The following KCNIP1 variants were observed in gnomAD, a reference collection of about 807,000 sequenced individuals.
KCNIP1 encodes the protein A-type potassium channel modulatory protein KCNIP1.
A neutral mutation model predicts 33.0 loss-of-function variants in KCNIP1; 18 were observed. The observed-to-expected ratio is 0.55, with a 90% CI of 0.38 to 0.81. The LOEUF is 0.81. Among genes scored for constraint, KCNIP1 ranks in the 30% least tolerant of loss-of-function variants. The pLI, the probability that KCNIP1 is intolerant of heterozygous loss-of-function variation, is 0.00. For synonymous variants in KCNIP1, 93 were observed against 98.3 expected, an observed-to-expected ratio of 0.95 and a Z score of 0.32; for missense variants, 238 against 271.6, an observed-to-expected ratio of 0.88 and a Z score of 0.87.
intron 1 of KCNIP1, among the ~76,000 whole-genome samples, chr5:170,513,005 G>A (rs1031987038): frequency 2.0e-4 from 31 of 151,652 alleles, no homozygotes; most frequent in African/African-American, 6.8e-4. Flanking sequence ...AGCCGAGATC[G>A]CGCCACTGCA....
chr5:170,425,884 A>G (rs1297053053), intron 1 of KCNIP1, among the ~76,000 whole-genome samples: 1 of 152,184 alleles, frequency 6.6e-6, no homozygotes, highest in Non-Finnish European at 1.5e-5. Context: ...CTTCCTGGTG[A>G]CAGAAAATGT....
chr5:170,697,085 T>TCA (rs982694453), intron 1 of KCNIP1, among the ~76,000 whole-genome samples: 3 of 151,672 alleles, frequency 2.0e-5, no homozygotes, highest in African/African-American at 4.8e-5. Flanking sequence ...TCTCGCTGTC[T>TCA]CACACACACA....
intron 1 of KCNIP1, among the ~76,000 whole-genome samples, chr5:170,460,845 C>T (rs1458207107): frequency 2.6e-5 from 4 of 152,134 alleles, no homozygotes; most frequent in Non-Finnish European, 1.5e-5. Context: ...GCATCCAAAT[C>T]AGTAAAGAGG....
chr5:170,442,331 G>A (rs1008608442), intron 1 of KCNIP1, among the ~76,000 whole-genome samples: 6 of 152,326 alleles, frequency 3.9e-5, no homozygotes, highest in African/African-American at 1.4e-4. Context: ...GGGCCCAGTG[G>A]CCCTGGAAAG....
At chr5:170,353,717 C>T (rs1205862289) in exon 1 of KCNIP1, 7 of 645,204 alleles carry the variant, frequency 1.1e-5, no homozygotes, top group Admixed American at 2.7e-5. Context: ...AAGCCAGACT[C>T]GCTGCAGAGG....
intron 1 of KCNIP1, among the ~76,000 whole-genome samples, chr5:170,652,054 G>A (rs900332073): frequency 2.0e-5 from 3 of 152,140 alleles, no homozygotes; most frequent in Admixed American, 6.5e-5. Context: ...TGGCTGTCAC[G>A]CTGAGCAATG....
At chr5:170,633,366 A>T (rs1760138522) in intron 1 of KCNIP1, among the ~76,000 whole-genome samples, 1 of 151,824 alleles carries the variant, frequency 6.6e-6, no homozygotes, top group Non-Finnish European at 1.5e-5. Flanking sequence ...AAATTTTAAA[A>T]ATTAAGTGAC....
intron 1 of KCNIP1, among the ~76,000 whole-genome samples, chr5:170,696,203 T>C (rs1257354893): frequency 6.6e-6 from 1 of 152,140 alleles, no homozygotes; most frequent in Non-Finnish European, 1.5e-5. Context: ...CTTCCCTCAC[T>C]CTTTTCCTTC....
At chr5:170,623,789 C>T (rs1237210472) in intron 1 of KCNIP1, among the ~76,000 whole-genome samples, 2 of 152,144 alleles carry the variant, frequency 1.3e-5, no homozygotes, top group African/African-American at 4.8e-5. Context: ...ATGTCAAGTG[C>T]GGGGCCCAAG....
Position 170,722,751 on chromosome 5 carries a change from T to G in KCNIP1, c.366T>G (p.Thr122=). Residue 122 remains threonine (T), a synonymous_variant, in exon 5 of 8, where the codon ACT becomes ACG. Transcript: ENST00000328939. ...VTALSILLRG[T]VHEKLRWTFN... is the part of the protein sequence containing the mutation. ...CTCTGTCGATTTTATTGAGAGGAAC[T>G]GTCCACGAGAAACTAAGGTGGACAT... is the stretch of plus-strand genomic sequence containing the variant. The G allele has an allele frequency of 6.2e-7, 1 of 1,613,972 alleles. No homozygotes were observed.
rs568820894 is a variant in KCNIP1, at chr5:170,478,411, C to T, written c.88+124447C>T. 4.6e-5 allele frequency among the ~76,000 whole-genome samples: 7 copies of T among 152,312 alleles called. No homozygotes were observed. The South Asian group carries it at 6.2e-4, about 14-fold the overall frequency. On this transcript the variant is annotated intron_variant, in intron 1 of 7. Coordinates refer to the KCNIP1 transcript ENST00000377360. ...CTCATGGCTGGAGGACAAGCTTCCC[C>T]GGCCTTCCAGTCCCATAAGGACACC...
At chr5:170,608,882 G>A (rs1759036730) in intron 1 of KCNIP1, among the ~76,000 whole-genome samples, 1 of 152,192 alleles carries the variant, frequency 6.6e-6, no homozygotes, top group Admixed American at 6.5e-5. Context: ...TTTGCTAGAG[G>A]AAGAGTTAAA....
At chr5:170,579,696 C>G (rs1484952757) in intron 1 of KCNIP1, among the ~76,000 whole-genome samples, 1 of 152,180 alleles carries the variant, frequency 6.6e-6, no homozygotes, top group African/African-American at 2.4e-5. Flanking sequence ...TCAGACTGCC[C>G]CAAGAGATTC....
intron 1 of KCNIP1, among the ~76,000 whole-genome samples, chr5:170,469,696 G>A (rs1049330759): frequency 6.6e-6 from 1 of 152,150 alleles, no homozygotes; most frequent in Admixed American, 6.5e-5. Context: ...CTTTCAACAC[G>A]TGAGCCATCT....
chr5:170,473,640 T>C (rs1291098542), intron 1 of KCNIP1, among the ~76,000 whole-genome samples: 1 of 152,140 alleles, frequency 6.6e-6, no homozygotes, highest in Non-Finnish European at 1.5e-5. Context: ...GGGCCGTCAG[T>C]GACACCTGCA....
At chr5:170,394,937 G>C (rs1754719007) in intron 1 of KCNIP1, among the ~76,000 whole-genome samples, 1 of 152,206 alleles carries the variant, frequency 6.6e-6, no homozygotes, top group Non-Finnish European at 1.5e-5. Flanking sequence ...TTCATCCTTT[G>C]TTATGGCTGT....
intron 1 of KCNIP1, among the ~76,000 whole-genome samples, chr5:170,358,281 G>A (rs1763401347): frequency 6.6e-6 from 1 of 152,220 alleles, no homozygotes; most frequent in African/African-American, 2.4e-5. Context: ...GTGGGGAAAA[G>A]GGGTGTGGGA....
chr5:170,592,649 G>A (rs1363329922), intron 1 of KCNIP1, among the ~76,000 whole-genome samples: 1 of 152,114 alleles, frequency 6.6e-6, no homozygotes, highest in Non-Finnish European at 1.5e-5. Flanking sequence ...CTTACATGCT[G>A]GATAAGTGGA....
chr5:170,730,962 A>G (rs956881484), intron 5 of KCNIP1, among the ~76,000 whole-genome samples: 1 of 152,236 alleles, frequency 6.6e-6, no homozygotes, highest in Non-Finnish European at 1.5e-5. Context: ...GTAAATGCCC[A>G]CAAGTCCATG....
Sources: gnomAD v4.1 joint callset for allele counts (sites outside exome capture counted in the v4.1 genomes callset) on GRCh38, gnomAD v4.1.1 for gene constraint, MANE v1.5 for transcripts, NCBI Gene and HGNC (gene_info 2026-07-23, HGNC 2026-07-21) for gene names.